The following ASTN2 variants were observed in gnomAD, a reference collection of about 807,000 sequenced individuals.
The protein encoded by ASTN2 is astrotactin 2.
ASTN2 carries 54 observed loss-of-function variants against 139.8 expected under a neutral mutation model. The ratio of observed to expected loss-of-function variants is 0.39; its 90% CI spans 0.31 to 0.48. ASTN2 has a LOEUF of 0.48. Among genes scored for constraint, ASTN2 ranks in the 20% least tolerant of loss-of-function variants. The pLI is 0.95. For synonymous variants in ASTN2, 756 were observed against 719.5 expected (o/e 1.05, Z -0.81); for missense variants, 1,565 against 1,725.1 (o/e 0.91, Z 1.64).
At chr9:117,279,060 G>T in intron 2 of ASTN2, among the ~76,000 whole-genome samples, 1 of 152,172 alleles carries the variant, frequency 6.6e-6, no homozygotes, top group Non-Finnish European at 1.5e-5. Context: ...TGTTTTTTGA[G>T]AATTAAATCA....
At chr9:116,666,371 A>G (rs950268744) in intron 16 of ASTN2, among the ~76,000 whole-genome samples, 17 of 152,184 alleles carry the variant, frequency 1.1e-4, no homozygotes, top group Non-Finnish European at 2.4e-4. Context: ...TATCATTGCA[A>G]TGTACTATTT....
chr9:116,787,845 G>C (rs1001090800), intron 13 of ASTN2, among the ~76,000 whole-genome samples: 1 of 151,926 alleles, frequency 6.6e-6, no homozygotes, highest in Non-Finnish European at 1.5e-5. Flanking sequence ...ATGAACTTTA[G>C]GTAATAATAA....
At chr9:116,632,205 A>AAAGAAAGAAAGAAAG (rs767242462) in intron 17 of ASTN2, among the ~76,000 whole-genome samples, 497 of 45,298 alleles carry the variant, frequency 0.011, 80 homozygotes, top group South Asian at 0.013. Context: ...AGAAAGAAAG[A>AAAGAAAGAAAGAAAG]AAAGAAAGAA....
chr9:116,515,509 G>T (rs1054877847), intron 19 of ASTN2, among the ~76,000 whole-genome samples: 3 of 152,178 alleles, frequency 2.0e-5, no homozygotes, highest in Non-Finnish European at 2.9e-5. Context: ...TCTTGCTACT[G>T]TCCTGAGGAA....
intron 16 of ASTN2, among the ~76,000 whole-genome samples, chr9:116,694,413 G>C (rs1037811347): frequency 4.1e-5 from 6 of 147,616 alleles, no homozygotes; most frequent in Admixed American, 3.4e-4. Flanking sequence ...TGTAGCTATT[G>C]ATTTAGAATT....
chr9:116,952,899 C>T (rs1208692199), intron 10 of ASTN2, among the ~76,000 whole-genome samples: 3 of 152,170 alleles, frequency 2.0e-5, no homozygotes, highest in African/African-American at 7.2e-5. Context: ...CTGACCTGGG[C>T]TGTTGACATG....
intron 4 of ASTN2, among the ~76,000 whole-genome samples, chr9:117,097,762 A>G (rs141310898): frequency 2.6e-5 from 4 of 152,352 alleles, no homozygotes; most frequent in Admixed American, 2.0e-4. Context: ...TATTCAATGC[A>G]CGAAAGGATT....
chr9:117,400,366 G>A (rs932006569), intron 1 of ASTN2, among the ~76,000 whole-genome samples: 4 of 152,166 alleles, frequency 2.6e-5, no homozygotes, highest in Non-Finnish European at 2.9e-5. Context: ...AGGACAGAAC[G>A]TCTGTTCCCT....
chr9:116,690,450 T>C (rs1267530708), intron 16 of ASTN2, among the ~76,000 whole-genome samples: 1 of 152,194 alleles, frequency 6.6e-6, no homozygotes, highest in Non-Finnish European at 1.5e-5. Flanking sequence ...AGAGCCCCTA[T>C]GTTTATGTCT....
intron 20 of ASTN2, among the ~76,000 whole-genome samples, chr9:116,455,389 C>T (rs10817893): frequency 0.87 from 130,955 of 150,052 alleles, 57,879 homozygotes; most frequent in East Asian, 0.96. Flanking sequence ...AAACAGTTTA[C>T]GGTAGGAAGT....
chr9:117,106,409 G>A (rs1231351216), intron 4 of ASTN2, among the ~76,000 whole-genome samples: 1 of 151,700 alleles, frequency 6.6e-6, no homozygotes, highest in Non-Finnish European at 1.5e-5. Flanking sequence ...GTTGGCCAGG[G>A]TAGTCTCAAA....
At chr9:117,128,058 T>C (rs117128647) in intron 4 of ASTN2, among the ~76,000 whole-genome samples, 297 of 152,042 alleles carry the variant, frequency 2.0e-3, no homozygotes, top group Non-Finnish European at 3.1e-3. Context: ...GAAGAAATCA[T>C]AGGGAGTGAA....
intron 1 of ASTN2, among the ~76,000 whole-genome samples, chr9:117,356,678 G>T (rs1292368139): frequency 2.0e-4 from 31 of 152,030 alleles, no homozygotes; most frequent in Non-Finnish European, 4.4e-5. Context: ...TGTCAAAAAT[G>T]GTTAGGAAAG....
chr9:117,036,325 A>G (rs1838383792), intron 6 of ASTN2, among the ~76,000 whole-genome samples: 1 of 152,062 alleles, frequency 6.6e-6, no homozygotes, highest in Non-Finnish European at 1.5e-5. Context: ...AGCTTGCTCC[A>G]TCGCATCTCC....
At chr9:116,457,559 C>CA (rs1425829366) in intron 20 of ASTN2, among the ~76,000 whole-genome samples, 1 of 152,116 alleles carries the variant, frequency 6.6e-6, no homozygotes, top group Non-Finnish European at 1.5e-5. Context: ...AGACATTTCT[C>CA]AAAAGAAGAC....
intron 16 of ASTN2, among the ~76,000 whole-genome samples, chr9:116,659,166 G>A (rs1365983394): frequency 6.6e-6 from 1 of 151,718 alleles, no homozygotes; most frequent in Non-Finnish European, 1.5e-5. Flanking sequence ...CCTCATTATA[G>A]TACATGTCAC....
intron 17 of ASTN2, among the ~76,000 whole-genome samples, chr9:116,628,917 C>T (rs906760552): frequency 6.6e-6 from 1 of 152,132 alleles, no homozygotes; most frequent in African/African-American, 2.4e-5. Flanking sequence ...CAGCTGGCAT[C>T]CTCTCCGCAG....
At chr9:116,724,037 AG>A (rs1335987431) in intron 16 of ASTN2, among the ~76,000 whole-genome samples, 1 of 152,212 alleles carries the variant, frequency 6.6e-6, no homozygotes, top group Non-Finnish European at 1.5e-5. Flanking sequence ...GGAATGAGAA[AG>A]TCAAGTCTAA....
At chr9:117,314,675 GT>G (rs1389260310) in intron 1 of ASTN2, among the ~76,000 whole-genome samples, 3 of 144,252 alleles carry the variant, frequency 2.1e-5, no homozygotes, top group African/African-American at 7.6e-5. Flanking sequence ...TATATGATAT[GT>G]TTTTATAATT....
Sources: gnomAD v4.1 joint callset for allele counts (sites outside exome capture counted in the v4.1 genomes callset) on GRCh38, gnomAD v4.1.1 for gene constraint, MANE v1.5 for transcripts, NCBI Gene and HGNC (gene_info 2026-07-23, HGNC 2026-07-21) for gene names.